The following NUGGC variants were observed in gnomAD, a reference collection of about 807,000 sequenced individuals.
The protein encoded by NUGGC is nuclear GTPase SLIP-GC.
A neutral mutation model predicts 92.6 loss-of-function variants in NUGGC; 58 were observed. That is an observed-to-expected ratio of 0.63 (90% CI 0.51 to 0.78). NUGGC has a LOEUF of 0.78. Ranked by LOEUF, NUGGC falls within the 30% of genes least tolerant of loss-of-function variation. NUGGC has a pLI of 0.00. For synonymous variants in NUGGC, 376 were observed against 366.4 expected, an observed-to-expected ratio of 1.03 and a Z score of -0.30; for missense variants, 925 against 964.6, an observed-to-expected ratio of 0.96 and a Z score of 0.54.
intron 11 of NUGGC, among the ~76,000 whole-genome samples, chr8:28,046,983 G>T (rs13253785): frequency 0.5 from 75,348 of 150,832 alleles, 18,937 homozygotes; most frequent in East Asian, 0.63. Context: ...TTGTTGTTGT[G>T]TTTTGAGACA....
rs528595261 is a variant in NUGGC at position 28,081,176 on chromosome 8, G to A, written c.-47+2599C>T. Among the ~76,000 whole-genome samples, 523 of 152,060 alleles carry A rather than the reference G, an allele frequency of 3.4e-3. 3 individuals carry two copies. The highest frequency in any genetic ancestry group is 5.8e-3 in the Non-Finnish European group (393 of 67,982). ...TCTACTAAAAATACAAAAATTACCT[G>A]GGCATGGTGCAGCATGCCTGTAATT... On this transcript the variant is annotated intron_variant, in intron 1 of 18. Transcript: ENST00000413272.
intron 2 of NUGGC, among the ~76,000 whole-genome samples, chr8:28,072,031 T>G (rs903758090): frequency 3.3e-5 from 5 of 152,080 alleles, no homozygotes; most frequent in African/African-American, 1.2e-4. Context: ...CAGGCAGCCC[T>G]CCCTCTCTGT....
Position 28,022,788 on chromosome 8 carries a change from A to G in NUGGC, c.*529T>C, listed in dbSNP as rs1161285509. ...CAAAAAATTAAAAAATTACCCAGGTATGGGCCGGGCACGGTGGCTCATGCC... is the reference window on the plus strand; with the variant it reads ...CAAAAAATTAAAAAATTACCCAGGTGTGGGCCGGGCACGGTGGCTCATGCC... On this transcript the variant is annotated 3_prime_UTR_variant, in exon 19 of 19. Transcript: ENST00000413272. 6.6e-6 allele frequency: 1 copy of G among 151,908 alleles called. No homozygotes were observed. Among genetic ancestry groups the G allele is most frequent in the African/African-American group, 2.4e-5 (1 of 41,298 alleles). The allele number at this position is 151,908 out of a possible 1,614,324, so 9.4% of individuals were successfully genotyped here.
rs1308850685 is a variant in NUGGC at position 28,060,268 on chromosome 8, G to A, written c.1097+158C>T. 5.2e-6 allele frequency: 4 copies of A among 769,882 alleles called. No homozygotes were observed. The Admixed American group carries it at 6.0e-5, about 12-fold the overall frequency. The allele number at this position is 769,882 out of a possible 1,614,324, so 47.7% of individuals were successfully genotyped here. ...AGACAACCCAACCAAGGGTCCTGAT[G>A]TCCCAGGAAGTCACCCAGCCTTTTC... On this transcript the variant is annotated intron_variant, in intron 8 of 18. Transcript: ENST00000413272.
At chr8:28,044,385 T>G (rs1486253547) in intron 12 of NUGGC, among the ~76,000 whole-genome samples, 2 of 152,144 alleles carry the variant, frequency 1.3e-5, no homozygotes, top group Non-Finnish European at 2.9e-5. Flanking sequence ...CCACCATCAT[T>G]TGAGTTCAGC....
chr8:28,067,869 A>C (rs1810482420), intron 5 of NUGGC, 125 bp from the exon 6 acceptor site: 2 of 731,894 alleles, frequency 2.7e-6, no homozygotes, highest in Non-Finnish European at 4.5e-6. Context: ...TAGGTCATCT[A>C]TCTGGGGTCT....
chr8:28,074,529 G>T, intron 1 of NUGGC, 73 bp from the exon 2 acceptor site: 1 of 942,618 alleles, frequency 1.1e-6, no homozygotes, highest in Non-Finnish European at 1.7e-6. Context: ...CTAAGGATGT[G>T]TCAGTCTGCT....
chr8:28,026,357 T>C (rs1809259487), intron 18 of NUGGC, among the ~76,000 whole-genome samples: 1 of 152,184 alleles, frequency 6.6e-6, no homozygotes. Flanking sequence ...CAGGTTACCC[T>C]CTCCAGTTTA....
At position 28,022,933 on chromosome 8, in the gene NUGGC, T is replaced by C. The variant is rs1457694445; in HGVS notation, c.*384A>G. On this transcript the variant is annotated 3_prime_UTR_variant, in exon 19 of 19. Transcript: ENST00000413272. ...TAAAAATATAAAAATTAACCGGGTG[T>C]GGTGGCAGTCGCCTATAATCCCAGC... is the stretch of plus-strand genomic sequence containing the variant. 1 of 160,162 alleles carries C rather than the reference T, an allele frequency of 6.2e-6. No homozygotes were observed. The highest frequency in any genetic ancestry group is 2.4e-5 in the African/African-American group (1 of 41,580). The allele number at this position is 160,162 out of a possible 1,614,324, so 9.9% of individuals were successfully genotyped here.
intron 18 of NUGGC, among the ~76,000 whole-genome samples, chr8:28,024,070 C>T (rs1809188006): frequency 6.6e-6 from 1 of 152,110 alleles, no homozygotes; most frequent in East Asian, 1.9e-4. Flanking sequence ...GTCACCAAGT[C>T]TGCAGTACAA....
chr8:28,030,444 G>T, intron 15 of NUGGC, 26 bp from the exon 16 acceptor site: 1 of 1,282,034 alleles, frequency 7.8e-7, no homozygotes, highest in Non-Finnish European at 1.1e-6. Flanking sequence ...AAAAGAGGCC[G>T]TTGGTGACAA....
In NUGGC at chr8:28,064,591, T is replaced by C; in HGVS notation, c.852A>G (p.Glu284=). 1.9e-6 allele frequency: 3 copies of C among 1,614,034 alleles called. No individual in the cohort carries two copies. In the African/African-American group the frequency reaches 4.0e-5, roughly 22 times the overall value. The change falls in exon 7 of 19, where the codon GAA becomes GAG. Residue 284 remains glutamate, a synonymous_variant. Transcript: ENST00000413272. ...VTLPKSDLIP[E]GVVLVDIPGT... ...CTGGGATGTCCACCAGCACGACCCC[T>C]TCTGGGATCAGGTCGGATTTGGGAA...
At chr8:28,041,532 T>G (rs1197587339) in intron 12 of NUGGC, among the ~76,000 whole-genome samples, 1 of 152,236 alleles carries the variant, frequency 6.6e-6, no homozygotes, top group African/African-American at 2.4e-5. Flanking sequence ...CACATAGAAA[T>G]CCAATTGTTA....
At chr8:28,037,300 G>A (rs565056344) in intron 13 of NUGGC, among the ~76,000 whole-genome samples, 8 of 152,284 alleles carry the variant, frequency 5.3e-5, no homozygotes, top group Non-Finnish European at 1.0e-4. Context: ...GCAGCAAGCT[G>A]ACTGTCAGCC....
Position 28,076,143 on chromosome 8 carries a change from G to A in NUGGC, c.-46-1687C>T, listed in dbSNP as rs540335694. On this transcript the variant is annotated intron_variant, in intron 1 of 18. Coordinates refer to ENST00000413272, the MANE Select transcript of NUGGC (RefSeq NM_001010906.2). ...GTTCCTCCTGGTTGAACCACTCGAG[G>A]TCAGAGGACTGCATTTTTTTCAGTG... is the stretch of plus-strand genomic sequence containing the variant. Among the ~76,000 whole-genome samples the A allele has an allele frequency of 2.0e-5, 3 of 152,274 alleles. No homozygotes were observed. The South Asian group carries it at 6.2e-4, about 32-fold the overall frequency.
At chr8:28,050,061 A>G (rs1243439272) in intron 10 of NUGGC, among the ~76,000 whole-genome samples, 2 of 151,946 alleles carry the variant, frequency 1.3e-5, no homozygotes, top group Non-Finnish European at 2.9e-5. Flanking sequence ...AACTCCAGCC[A>G]GGACAACAAA....
chr8:28,078,071 T>C (rs1008047823), intron 1 of NUGGC, among the ~76,000 whole-genome samples: 1 of 152,210 alleles, frequency 6.6e-6, no homozygotes, highest in African/African-American at 2.4e-5. Context: ...AGCATGTAAC[T>C]AGCTGGGGTT....
chr8:28,074,382 T>C lies in NUGGC; in HGVS notation c.29A>G (p.Gln10Arg), dbSNP rs1810668059. 1.2e-6 allele frequency: 2 copies of C among 1,613,398 alleles called. No individual in the cohort carries two copies. The highest frequency in any genetic ancestry group is 1.1e-5 in the South Asian group (1 of 91,038). Reference protein sequence around the residue: MAETKDVFGQEPHPVEDDLY... With the variant: MAETKDVFGREPHPVEDDLY... ...AAAGATGTTACCTGGATGCGGTTCC[T>C]GGCCAAAAACATCCTTCGTTTCTGC... Residue 10 changes from glutamine (Q) to arginine (R), a missense_variant, in exon 2 of 19, where the codon CAG (glutamine) becomes CGG (arginine). Gln to Arg is a conservative substitution (Grantham distance 43). Coordinates refer to ENST00000413272, the MANE Select transcript of NUGGC (RefSeq NM_001010906.2).
chr8:28,074,813 C>G (rs1182447646), intron 1 of NUGGC, among the ~76,000 whole-genome samples: 1 of 152,156 alleles, frequency 6.6e-6, no homozygotes, highest in African/African-American at 2.4e-5. Context: ...GTGGTGGGTG[C>G]CCATAATCCC....
Sources: allele counts gnomAD v4.1 joint callset (sites outside exome capture counted in the v4.1 genomes callset), GRCh38; gene constraint gnomAD v4.1.1; transcripts MANE v1.5; gene names NCBI Gene and HGNC (gene_info 2026-07-23, HGNC 2026-07-21).